The following MALRD1 variants were observed in gnomAD, a reference collection of about 807,000 sequenced individuals.
MALRD1 encodes the protein MAM and LDL-receptor class A domain-containing protein 1.
A neutral mutation model predicts 242.1 loss-of-function variants in MALRD1; 247 were observed. The observed-to-expected ratio is 1.02, with a 90% CI of 0.92 to 1.13. The LOEUF (loss-of-function observed/expected upper bound fraction) is 1.13. Among genes scored for constraint, MALRD1 ranks in the 50% most tolerant of loss-of-function variants. The probability of loss-of-function intolerance (pLI) is 0.00; values close to 1 mark genes in which losing one functional copy is unlikely to be tolerated. For synonymous variants in MALRD1, 995 were observed against 866.6 expected, an observed-to-expected ratio of 1.15 and a Z score of -2.60; for missense variants, 2,989 against 2,533.1, an observed-to-expected ratio of 1.18 and a Z score of -3.86.
intron 19 of MALRD1, among the ~76,000 whole-genome samples, chr10:19,270,830 ACACACACACACACG>A (rs1343216920): frequency 6.6e-6 from 1 of 151,494 alleles, no homozygotes; most frequent in Admixed American, 6.6e-5. Context: ...ACACACACAC[ACACACACACACACG>A]CACACACAAA....
intron 23 of MALRD1, 67 bp downstream of exon 23, chr10:19,327,740 T>G (rs1345615098): frequency 4.0e-6 from 5 of 1,257,068 alleles, no homozygotes; most frequent in Non-Finnish European, 5.6e-6. Flanking sequence ...ATTTATTTCC[T>G]TCTCTACTCA....
intron 1 of MALRD1, among the ~76,000 whole-genome samples, chr10:19,063,859 G>A (rs1834894325): frequency 6.6e-6 from 1 of 151,612 alleles, no homozygotes; most frequent in Non-Finnish European, 1.5e-5. Flanking sequence ...CGAGTTAATG[G>A]GTGCAGCACA....
chr10:19,720,380 G>T (rs985647283), intron 38 of MALRD1, among the ~76,000 whole-genome samples: 1 of 152,106 alleles, frequency 6.6e-6, no homozygotes, highest in Non-Finnish European at 1.5e-5. Context: ...TTAGGGACTT[G>T]TTACTTTGTT....
At chr10:19,631,867 A>G (rs938567202) in intron 36 of MALRD1, among the ~76,000 whole-genome samples, 4 of 152,116 alleles carry the variant, frequency 2.6e-5, no homozygotes, top group African/African-American at 7.2e-5. Context: ...CAAGTTCCTT[A>G]TAGATGCTGG....
intron 28 of MALRD1, among the ~76,000 whole-genome samples, chr10:19,419,094 C>G (rs1833619891): frequency 6.6e-6 from 1 of 152,192 alleles, no homozygotes; most frequent in Admixed American, 6.5e-5. Context: ...TAACCGCCTT[C>G]CTTTCCACAT....
At chr10:19,285,154 C>G (rs1276755751) in intron 21 of MALRD1, among the ~76,000 whole-genome samples, 1 of 141,322 alleles carries the variant, frequency 7.1e-6, no homozygotes, top group Non-Finnish European at 1.5e-5. Flanking sequence ...GGATATTAGC[C>G]CTTTGTCAGA....
At chr10:19,463,014 G>A (rs57831696) in intron 29 of MALRD1, among the ~76,000 whole-genome samples, 8,520 of 152,090 alleles carry the variant, frequency 0.056, 775 homozygotes, top group African/African-American at 0.19. Context: ...ATTTAGTTGC[G>A]TGGTTAAATC....
intron 36 of MALRD1, among the ~76,000 whole-genome samples, chr10:19,622,267 A>G (rs920409859): frequency 6.6e-6 from 1 of 151,920 alleles, no homozygotes; most frequent in South Asian, 2.1e-4. Context: ...CAATAAAAAC[A>G]ATTTACTAAG....
chr10:19,468,780 G>T (rs1836352111), intron 29 of MALRD1, among the ~76,000 whole-genome samples: 1 of 151,960 alleles, frequency 6.6e-6, no homozygotes, highest in African/African-American at 2.4e-5. Context: ...CCCATTTCCA[G>T]AAATACACTC....
intron 28 of MALRD1, among the ~76,000 whole-genome samples, chr10:19,410,507 G>A (rs1833232530): frequency 6.6e-6 from 1 of 152,110 alleles, no homozygotes. Context: ...CCTAGGTCTT[G>A]ACCTCTGAAA....
chr10:19,648,450 C>T (rs1343964459), intron 36 of MALRD1, among the ~76,000 whole-genome samples: 1 of 152,088 alleles, frequency 6.6e-6, no homozygotes, highest in Admixed American at 6.5e-5. Context: ...CTTGGAAAAC[C>T]CCTTAGGCTT....
At chr10:19,712,753 G>A in intron 38 of MALRD1, among the ~76,000 whole-genome samples, 1 of 152,140 alleles carries the variant, frequency 6.6e-6, no homozygotes, top group Non-Finnish European at 1.5e-5. Context: ...ACAGTACCTG[G>A]ACCTTTCCAA....
chr10:19,511,346 T>A (rs1833393426), intron 31 of MALRD1, among the ~76,000 whole-genome samples: 1 of 152,116 alleles, frequency 6.6e-6, no homozygotes, highest in Non-Finnish European at 1.5e-5. Flanking sequence ...AATAAAAATA[T>A]ATCTTCAAGA....
intron 32 of MALRD1, among the ~76,000 whole-genome samples, chr10:19,538,900 T>A (rs905126669): frequency 1.3e-5 from 2 of 152,176 alleles, no homozygotes; most frequent in African/African-American, 4.8e-5. Context: ...CCTATGGTGT[T>A]GAAATGGTCT....
intron 29 of MALRD1, among the ~76,000 whole-genome samples, chr10:19,454,323 G>A (rs1239220101): frequency 6.7e-6 from 1 of 148,834 alleles, no homozygotes; most frequent in Admixed American, 6.7e-5. Flanking sequence ...TCACAAAAGA[G>A]TCAACAGATA....
At chr10:19,435,116 CATAAT>C (rs1372378873) in intron 28 of MALRD1, among the ~76,000 whole-genome samples, 4 of 149,228 alleles carry the variant, frequency 2.7e-5, no homozygotes, top group Non-Finnish European at 4.5e-5. Flanking sequence ...CAAAAATATA[CATAAT>C]ATATTTTATA....
intron 32 of MALRD1, among the ~76,000 whole-genome samples, chr10:19,539,583 T>C (rs1272848139): frequency 6.6e-6 from 1 of 152,160 alleles, no homozygotes; most frequent in Non-Finnish European, 1.5e-5. Flanking sequence ...CCCCAAATGC[T>C]TAGTGTGTGT....
intron 15 of MALRD1, 74 bp downstream of exon 15, chr10:19,203,954 T>A: frequency 6.6e-7 from 1 of 1,507,878 alleles, no homozygotes; most frequent in Non-Finnish European, 9.0e-7. Flanking sequence ...AAAGGAAAGC[T>A]AGTACGGTTC....
chr10:19,536,246 G>A (rs932685307), intron 32 of MALRD1, among the ~76,000 whole-genome samples: 1 of 152,060 alleles, frequency 6.6e-6, no homozygotes, highest in Admixed American at 6.5e-5. Flanking sequence ...ATTTTGGATT[G>A]AGTCTCTAAC....
Sources: gnomAD v4.1 joint callset for allele counts (sites outside exome capture counted in the v4.1 genomes callset) on GRCh38, gnomAD v4.1.1 for gene constraint, MANE v1.5 for transcripts, NCBI Gene and HGNC (gene_info 2026-07-23, HGNC 2026-07-21) for gene names.